Variants in PDE4C observed in about 807,000 individuals in gnomAD.
PDE4C encodes the protein 3',5'-cyclic-AMP phosphodiesterase 4C.
PDE4C carries 50 observed loss-of-function variants against 63.9 expected under a neutral mutation model. That is an observed-to-expected ratio of 0.78 (90% CI 0.62 to 0.99). The LOEUF (loss-of-function observed/expected upper bound fraction) is 0.99, where lower values mean the gene tolerates loss of function less well. Ranked by LOEUF, PDE4C falls within the 50% of genes least tolerant of loss-of-function variation. The pLI, the probability that PDE4C is intolerant of heterozygous loss-of-function variation, is 0.00. For missense variants in PDE4C, 777 were observed against 899.1 expected (o/e 0.86, Z 1.74); for synonymous variants, 377 against 385.1 (o/e 0.98, Z 0.25).
chr19:18,243,411 A>G (rs1283318534), intron 1 of PDE4C, among the ~76,000 whole-genome samples: 1 of 152,072 alleles, frequency 6.6e-6, no homozygotes, highest in African/African-American at 2.4e-5. Context: ...TCCGGTGGTG[A>G]CTGGTGATTA....
exon 15 of PDE4C, chr19:18,211,136 G>A: frequency 1.2e-6 from 2 of 1,614,142 alleles, no homozygotes; most frequent in Admixed American, 1.7e-5. Context: ...GGTTGGTGAG[G>A]TCTGAGGGAC....
At chr19:18,254,403 C>A in the PDE4C span, among the ~76,000 whole-genome samples, 1 of 152,198 alleles carries the variant, frequency 6.6e-6, no homozygotes, top group African/African-American at 2.4e-5. Context: ...TGGTGAGCTG[C>A]TGAAGGGTTG....
chr19:18,220,102 A>T lies in PDE4C; in HGVS notation c.706+124T>A. ...CCTCCCTCTGATCCAGCCCTGACTCATGGGGGCTGAAGGTGTCTGTGTCTG... is the reference window on the plus strand; with the variant it reads ...CCTCCCTCTGATCCAGCCCTGACTCTTGGGGGCTGAAGGTGTCTGTGTCTG... On this transcript the variant is annotated intron_variant, in intron 7 of 14. Coordinates refer to ENST00000262805, the Ensembl canonical transcript of PDE4C. The surrounding 1 kb of genome is among the most constrained non-coding windows in gnomAD (Gnocchi z 5.1). 1.3e-6 allele frequency: 1 copy of T among 775,140 alleles called. No individual in the cohort carries two copies. The highest frequency in any genetic ancestry group is 2.3e-6 in the Non-Finnish European group (1 of 443,376). The allele number at this position is 775,140 out of a possible 1,614,324, so 48.0% of individuals were successfully genotyped here.
upstream of PDE4C, among the ~76,000 whole-genome samples, chr19:18,235,682 ACT>A (rs1244987146): frequency 1.3e-5 from 2 of 150,206 alleles, no homozygotes; most frequent in Admixed American, 6.7e-5. Context: ...ATATTGACCA[ACT>A]CTCTCTCCGG....
At chr19:18,227,763 T>TC (rs941628348), upstream of PDE4C, among the ~76,000 whole-genome samples, 2 of 151,812 alleles carry the variant, frequency 1.3e-5, no homozygotes, top group African/African-American at 4.8e-5. Context: ...GCCTGGGCCT[T>TC]CCCCCCGGGG....
intron 1 of PDE4C, among the ~76,000 whole-genome samples, chr19:18,241,560 C>G (rs1479298739): frequency 6.6e-6 from 1 of 151,486 alleles, no homozygotes; most frequent in Non-Finnish European, 1.5e-5. Flanking sequence ...AGCCACCGCG[C>G]CCGGCCAAGA....
chr19:18,255,156 G>A, the PDE4C span: 35 of 398,078 alleles, frequency 8.8e-5, no homozygotes, highest in African/African-American at 6.6e-4. This position sits in a 1 kb window ranked among gnomAD's most constrained non-coding sequence, Gnocchi z 4.6. Context: ...GTGTGACTGG[G>A]CTGTGCGTCC....
At chr19:18,219,366 C>T (rs189859662) in exon 8 of PDE4C, 4 of 1,611,194 alleles carry the variant, frequency 2.5e-6, no homozygotes, top group Non-Finnish European at 3.4e-6. Context: ...CCTCAGCGGT[C>T]ACCTTGGGCA....
At chr19:18,235,333 G>C (rs535259557), upstream of PDE4C, among the ~76,000 whole-genome samples, 8 of 152,264 alleles carry the variant, frequency 5.3e-5, no homozygotes, top group South Asian at 1.2e-3. Context: ...ACCACACCCA[G>C]CTAATTTTTG....
upstream of PDE4C, chr19:18,250,255 G>A: frequency 2.5e-6 from 1 of 399,026 alleles, no homozygotes; most frequent in East Asian, 3.6e-5. Flanking sequence ...TGGGATAGCA[G>A]CTCCCCCAAC....
chr19:18,244,176 A>G (rs1600104993), intron 1 of PDE4C, among the ~76,000 whole-genome samples: 1 of 151,450 alleles, frequency 6.6e-6, no homozygotes, highest in East Asian at 1.9e-4. Context: ...TGGCCCTGCT[A>G]CTCCTGATTA....
At chr19:18,234,317 C>T (rs1968912036), upstream of PDE4C, 1 of 152,322 alleles carries the variant, frequency 6.6e-6, no homozygotes, top group South Asian at 2.1e-4. Flanking sequence ...ATGGCAGGAT[C>T]TCATTCGCCC....
upstream of PDE4C, among the ~76,000 whole-genome samples, chr19:18,238,412 A>ATT (rs1213065075): frequency 6.6e-6 from 1 of 151,350 alleles, no homozygotes; most frequent in Non-Finnish European, 1.5e-5. Flanking sequence ...ATTTTTTGGT[A>ATT]TTTTTAGTAG....
At chr19:18,219,587 G>A (rs1328526037) in intron 7 of PDE4C, 190 bp from the exon 8 acceptor site, 7 of 613,830 alleles carry the variant, frequency 1.1e-5, no homozygotes, top group Non-Finnish European at 2.0e-5. Context: ...GCTTTGGGAG[G>A]TCGAGGTGGG....
chr19:18,216,759 G>A, exon 12 of PDE4C: 1 of 1,612,612 alleles, frequency 6.2e-7, no homozygotes, highest in South Asian at 1.1e-5. Flanking sequence ...TGACCATCCT[G>A]CGCAGACTCA....
At chr19:18,236,580 T>A (rs551497505), upstream of PDE4C, among the ~76,000 whole-genome samples, 1 of 152,268 alleles carries the variant, frequency 6.6e-6, no homozygotes, top group Non-Finnish European at 1.5e-5. Flanking sequence ...GCCCCCTCGA[T>A]GTGAGGTCAG....
chr19:18,224,303 G>A lies in PDE4C; in HGVS notation c.146+1967C>T. The A allele has an allele frequency of 6.1e-6, 6 of 985,488 alleles. No homozygotes were observed. The South Asian group carries it at 2.8e-4, about 46-fold the overall frequency. 61.0% of individuals were successfully genotyped at this position (985,488 alleles called of 1,614,324 possible). On this transcript the variant is annotated intron_variant, in intron 1 of 14. Coordinates refer to ENST00000262805, the Ensembl canonical transcript of PDE4C. ...CAGGAAGACAACCGGGACCGCCTGA[G>A]ACTCGGAGCTCCCGGCCGAGGGCCA...
At chr19:18,212,473 CT>C (rs368839228) in intron 13 of PDE4C, among the ~76,000 whole-genome samples, 4,014 of 131,892 alleles carry the variant, frequency 0.03, 123 homozygotes, top group African/African-American at 0.076. Flanking sequence ...CTGAGCCCAG[CT>C]TTTTTTTTTT....
At chr19:18,235,559 C>T (rs770569682), upstream of PDE4C, among the ~76,000 whole-genome samples, 7 of 152,184 alleles carry the variant, frequency 4.6e-5, no homozygotes, top group Non-Finnish European at 8.8e-5. Context: ...GCACCAGTAT[C>T]TCCTGCCCAG....
Sources: gnomAD v4.1 joint callset for allele counts (sites outside exome capture counted in the v4.1 genomes callset) on GRCh38, gnomAD v4.1.1 for gene constraint, Gnocchi (gnomAD v3.1) non-coding constraint, MANE v1.5 for transcripts, NCBI Gene and HGNC (gene_info 2026-07-23, HGNC 2026-07-21) for gene names.